Variants in ATOSA observed in about 807,000 individuals in gnomAD.
The protein encoded by ATOSA is atos homolog protein A.
the ATOSA span, chr15:52,651,871 TTC>T: frequency 6.5e-7 from 1 of 1,535,476 alleles, no homozygotes; most frequent in Non-Finnish European, 8.7e-7. Flanking sequence ...ACTACACACC[TTC>T]TCTGTGAAGC....
At chr15:52,660,923 G>C in the ATOSA span, among the ~76,000 whole-genome samples, 4 of 152,164 alleles carry the variant, frequency 2.6e-5, no homozygotes, top group African/African-American at 4.8e-5. Context: ...CAAAGTACCG[G>C]GATTACAGGC....
At chr15:52,628,033 A>AGT in the ATOSA span, among the ~76,000 whole-genome samples, 1 of 152,156 alleles carries the variant, frequency 6.6e-6, no homozygotes, top group African/African-American at 2.4e-5. Flanking sequence ...GGACAACTAG[A>AGT]ATCACCAATG....
the ATOSA span, chr15:52,610,088 C>T: frequency 1.2e-6 from 2 of 1,613,978 alleles, no homozygotes; most frequent in Non-Finnish European, 1.7e-6. Flanking sequence ...CTTTCAGGTG[C>T]CATGGTCCAA....
At chr15:52,610,870 T>C in the ATOSA span, among the ~76,000 whole-genome samples, 1 of 152,234 alleles carries the variant, frequency 6.6e-6, no homozygotes, top group Non-Finnish European at 1.5e-5. Context: ...TACTTTATAA[T>C]AGCAGCATTA....
At chr15:52,610,115 G>A in the ATOSA span, 26 of 1,613,938 alleles carry the variant, frequency 1.6e-5, no homozygotes, top group Non-Finnish European at 2.2e-5. Context: ...TTGCTACACA[G>A]ACGCTGTGAA....
At chr15:52,594,972 C>G in the ATOSA span, among the ~76,000 whole-genome samples, 5 of 152,180 alleles carry the variant, frequency 3.3e-5, no homozygotes. Context: ...TTTCATCTCT[C>G]CCAACATATA....
At chr15:52,691,326 C>G in the ATOSA span, among the ~76,000 whole-genome samples, 1 of 152,174 alleles carries the variant, frequency 6.6e-6, no homozygotes, top group African/African-American at 2.4e-5. Flanking sequence ...TGTGGAAATT[C>G]TCTTCTTGTC....
the ATOSA span, among the ~76,000 whole-genome samples, chr15:52,639,974 G>A: frequency 1.3e-5 from 2 of 151,580 alleles, no homozygotes; most frequent in Non-Finnish European, 2.9e-5. Context: ...TGGCCAGGCT[G>A]GTCTTGAACT....
chr15:52,663,633 T>A, the ATOSA span, among the ~76,000 whole-genome samples: 44 of 152,162 alleles, frequency 2.9e-4, no homozygotes, highest in African/African-American at 9.7e-4. Flanking sequence ...TCAAAACTGT[T>A]TTTTCTGAGA....
At chr15:52,695,463 C>A in the ATOSA span, among the ~76,000 whole-genome samples, 3 of 152,370 alleles carry the variant, frequency 2.0e-5, no homozygotes, top group Non-Finnish European at 4.4e-5. Context: ...TTGAGAGCTT[C>A]TACTTCTCTC....
At chr15:52,653,230 T>TG in the ATOSA span, among the ~76,000 whole-genome samples, 7 of 152,088 alleles carry the variant, frequency 4.6e-5, no homozygotes, top group African/African-American at 1.7e-4. Flanking sequence ...ATGGAAGTGT[T>TG]GGAGTTACTA....
the ATOSA span, among the ~76,000 whole-genome samples, chr15:52,660,610 C>T: frequency 6.6e-6 from 1 of 152,172 alleles, no homozygotes; most frequent in African/African-American, 2.4e-5. Flanking sequence ...TTAACAATAA[C>T]AACAGGCAAA....
At chr15:52,643,690 C>T in the ATOSA span, among the ~76,000 whole-genome samples, 8 of 151,548 alleles carry the variant, frequency 5.3e-5, no homozygotes, top group African/African-American at 1.7e-4. Context: ...CCGAGGCAGG[C>T]GGATCACAAG....
At chr15:52,652,595 C>T in the ATOSA span, among the ~76,000 whole-genome samples, 4 of 152,132 alleles carry the variant, frequency 2.6e-5, no homozygotes, top group Non-Finnish European at 5.9e-5. Flanking sequence ...GAAATGGTCT[C>T]TCCTCAAATG....
the ATOSA span, chr15:52,585,034 AAAC>A: frequency 8.6e-5 from 96 of 1,118,526 alleles, no homozygotes; most frequent in Middle Eastern, 2.9e-4. Context: ...ACAAGATTTT[AAAC>A]AACAAGGTAA....
the ATOSA span, among the ~76,000 whole-genome samples, chr15:52,667,130 A>G: frequency 1.3e-5 from 2 of 152,244 alleles, no homozygotes; most frequent in Non-Finnish European, 2.9e-5. Flanking sequence ...TTTAGGTTTA[A>G]AAATATAATT....
the ATOSA span, chr15:52,655,932 A>G: frequency 2.0e-5 from 3 of 152,156 alleles, no homozygotes; most frequent in Non-Finnish European, 4.4e-5. Context: ...CACCTAGGTC[A>G]GTACTCCGCT....
At chr15:52,639,922 T>A in the ATOSA span, among the ~76,000 whole-genome samples, 2 of 151,816 alleles carry the variant, frequency 1.3e-5, no homozygotes, top group African/African-American at 4.8e-5. Context: ...AGCTAATTTT[T>A]TTTTTTTTGG....
chr15:52,670,591 A>T, the ATOSA span, among the ~76,000 whole-genome samples: 1 of 152,228 alleles, frequency 6.6e-6, no homozygotes, highest in African/African-American at 2.4e-5. Flanking sequence ...AAAAATGTAT[A>T]ACTAAGTATA....
Sources: gnomAD v4.1 joint callset for allele counts (sites outside exome capture counted in the v4.1 genomes callset) on GRCh38, gnomAD v4.1.1 for gene constraint, MANE v1.5 for transcripts, NCBI Gene and HGNC (gene_info 2026-07-23, HGNC 2026-07-21) for gene names.